Variants in DYNC1H1 observed in about 807,000 individuals in gnomAD.
DYNC1H1 encodes the protein dynein cytoplasmic 1 heavy chain 1.
A neutral mutation model predicts 527.1 loss-of-function variants in DYNC1H1; 51 were observed. The ratio of observed to expected loss-of-function variants is 0.10; its 90% CI spans 0.08 to 0.12. The LOEUF (loss-of-function observed/expected upper bound fraction) is 0.12, where lower values mean the gene tolerates loss of function less well. DYNC1H1 is among the 10% of genes least tolerant of loss of function. The pLI is 1.00. For missense variants in DYNC1H1, 2,771 were observed against 5,971.8 expected, an observed-to-expected ratio of 0.46 and a Z score of 17.66; for synonymous variants, 2,189 against 2,278.8, an observed-to-expected ratio of 0.96 and a Z score of 1.12.
At chr14:101,999,301 G>A (rs185162606) in intron 16 of DYNC1H1, among the ~76,000 whole-genome samples, 27 of 152,144 alleles carry the variant, frequency 1.8e-4, no homozygotes, top group Admixed American at 1.2e-3. Context: ...GACTACAGGC[G>A]TGCCCCACCA....
Position 102,044,792 on chromosome 14 carries a change from G to A in DYNC1H1, c.13006+94G>A. On this transcript the variant is annotated intron_variant, in intron 72 of 77. Coordinates refer to ENST00000360184, the MANE Select transcript of DYNC1H1 (RefSeq NM_001376.5). This position sits in a 1 kb window ranked among gnomAD's most constrained non-coding sequence, Gnocchi z 7.1. ...GAGGGTCCCCACACGCAGGGTGAGT[G>A]TGCACTGCTGTCCCAGGGCCCTCCC... 7.1e-7 allele frequency: 1 copy of A among 1,412,106 alleles called. No individual in the cohort carries two copies. Among genetic ancestry groups the A allele is most frequent in the Non-Finnish European group, 9.9e-7 (1 of 1,010,126 alleles). 87.5% of individuals were successfully genotyped at this position (1,412,106 alleles called of 1,614,324 possible). A position where few individuals can be genotyped will look rare whatever the true frequency, so the allele number is the denominator to read the frequency against.
chr14:102,050,678 G>T lies in DYNC1H1; in HGVS notation c.*115G>T. On this transcript the variant is annotated 3_prime_UTR_variant, in exon 78 of 78. Transcript: ENST00000360184. ...AAAGAAAGTGGTTGGTCTGAGGTTG[G>T]AGGAAGCTGAATGGAATCTGACGGT... 1 of 1,534,130 alleles carries T rather than the reference G, an allele frequency of 6.5e-7. No individual in the cohort carries two copies. Among genetic ancestry groups the T allele is most frequent in the South Asian group, 1.1e-5 (1 of 87,962 alleles).
At position 102,029,387 on chromosome 14, in the gene DYNC1H1, G is replaced by GC; in HGVS notation, c.9469-152_9469-151insC. The stretch of plus-strand genomic sequence containing the variant: ...GTAAGGGGTATCTCGAAAGCTCTAA[G>GC]TGGCTAAGCTGAGGCCCGACTCGAG... On this transcript the variant is annotated intron_variant, in intron 48 of 77. Transcript: ENST00000360184. This position sits in a 1 kb window ranked among gnomAD's most constrained non-coding sequence, Gnocchi z 5.3. 1.1e-6 allele frequency: 1 copy of GC among 931,926 alleles called. No homozygotes were observed. Among genetic ancestry groups the GC allele is most frequent in the Non-Finnish European group, 1.7e-6 (1 of 605,056 alleles). 57.7% of individuals were successfully genotyped at this position (931,926 alleles called of 1,614,324 possible). A position where few individuals can be genotyped will look rare whatever the true frequency, so the allele number is the denominator to read the frequency against.
chr14:102,049,860 C>G lies in DYNC1H1; in HGVS notation c.13662C>G (p.Asp4554Glu). The G allele has an allele frequency of 6.2e-7, 1 of 1,613,904 alleles. No homozygotes were observed. The highest frequency in any genetic ancestry group is 1.7e-5 in the Admixed American group (1 of 60,030). The change falls in exon 76 of 78, where the codon GAC becomes GAG. Residue 4554 changes from aspartate to glutamate, a missense_variant. Physicochemically the swap from Asp to Glu is conservative, Grantham distance 45. Transcript: ENST00000360184. The surrounding 1 kb of genome is among the most constrained non-coding windows in gnomAD (Gnocchi z 5.5). ...CCACCTCACAGGGCGCCACCCTTGACGCTTGCAGCTTCGGAGTCACGGGTG... is the reference window on the plus strand; with the variant it reads ...CCACCTCACAGGGCGCCACCCTTGAGGCTTGCAGCTTCGGAGTCACGGGTG... ...NVTTSQGATL[D>E]ACSFGVTGLK...
intron 72 of DYNC1H1, among the ~76,000 whole-genome samples, chr14:102,046,836 T>C (rs939463273): frequency 5.9e-5 from 9 of 151,460 alleles, no homozygotes; most frequent in African/African-American, 2.2e-4. Context: ...TCTTGCTCTG[T>C]CACTCAGACT....
Position 102,011,238 on chromosome 14 carries a change from C to T in DYNC1H1, c.6618+286C>T. On this transcript the variant is annotated intron_variant, in intron 32 of 77. Coordinates refer to ENST00000360184, the MANE Select transcript of DYNC1H1 (RefSeq NM_001376.5). The surrounding 1 kb of genome is among the most constrained non-coding windows in gnomAD (Gnocchi z 5.3). Reference sequence around the variant, plus strand: ...GTTGTTTATACTGATAAAAATTCTGCTTACCAGACTTTCCAGTGCCAGAGA... The same window carrying T: ...GTTGTTTATACTGATAAAAATTCTGTTTACCAGACTTTCCAGTGCCAGAGA... 1 of 452,676 alleles carries T rather than the reference C, an allele frequency of 2.2e-6. No homozygotes were observed. Among genetic ancestry groups the T allele is most frequent in the South Asian group, 2.1e-5 (1 of 47,652 alleles). The allele number at this position is 452,676 out of a possible 1,614,324, so 28.0% of individuals were successfully genotyped here. A position where few individuals can be genotyped will look rare whatever the true frequency, so the allele number is the denominator to read the frequency against.
At chr14:101,978,868 T>A (rs373156777) in intron 2 of DYNC1H1, among the ~76,000 whole-genome samples, 1 of 152,158 alleles carries the variant, frequency 6.6e-6, no homozygotes, top group African/African-American at 2.4e-5. Flanking sequence ...GGACATCTGG[T>A]CTAAGTGGTG....
chr14:101,971,085 C>CTTTTTTT (rs780745783), intron 1 of DYNC1H1, among the ~76,000 whole-genome samples: 1 of 64,078 alleles, frequency 1.6e-5, no homozygotes, highest in Non-Finnish European at 2.9e-5. Context: ...CCGTATCATT[C>CTTTTTTT]TTTTTTTTTT....
Position 102,033,657 on chromosome 14 carries a change from T to C in DYNC1H1, c.10413+173T>C, listed in dbSNP as rs2048535988. 2 of 823,948 alleles carry C rather than the reference T, an allele frequency of 2.4e-6. No homozygotes were observed. The allele number at this position is 823,948 out of a possible 1,614,324, so 51.0% of individuals were successfully genotyped here. A position where few individuals can be genotyped will look rare whatever the true frequency, so the allele number is the denominator to read the frequency against. ...TAATACACACTGAGTAGTCACTAAG[T>C]GTTGTTAATTAGGATAGATTGATAC... is the stretch of plus-strand genomic sequence containing the variant. On this transcript the variant is annotated intron_variant, in intron 54 of 77. Transcript: ENST00000360184. This position sits in a 1 kb window ranked among gnomAD's most constrained non-coding sequence, Gnocchi z 5.6.
At chr14:102,047,620 C>CGTGTGTGTGTGTGTGTGTGTGT (rs71116873) in intron 72 of DYNC1H1, 197 bp from the exon 73 acceptor site, 2 of 300,648 alleles carry the variant, frequency 6.7e-6, no homozygotes, top group Admixed American at 5.0e-5. Context: ...TATATATACA[C>CGTGTGTGTGTGTGTGTGTGTGT]GTGTGTGTGT....
rs903828329 is a variant in DYNC1H1 at position 102,005,656 on chromosome 14, G to A, written c.5434-232G>A. Among the ~76,000 whole-genome samples the A allele has an allele frequency of 1.4e-4, 22 of 152,334 alleles. No individual in the cohort carries two copies. The highest frequency in any genetic ancestry group is 3.9e-4 in the Admixed American group (6 of 15,296). On this transcript the variant is annotated intron_variant, in intron 26 of 77. Coordinates refer to ENST00000360184, the MANE Select transcript of DYNC1H1 (RefSeq NM_001376.5). This position sits in a 1 kb window ranked among gnomAD's most constrained non-coding sequence, Gnocchi z 4.0. Reference sequence around the variant, plus strand: ...GTTGCAGAATTTTAAAATATTTAAAGCCAGGTGTTTCTGTTTCTTTGTTTT... The same window carrying A: ...GTTGCAGAATTTTAAAATATTTAAAACCAGGTGTTTCTGTTTCTTTGTTTT...
At chr14:101,980,051 A>C in intron 4 of DYNC1H1, 77 bp downstream of exon 4, 1 of 1,603,014 alleles carries the variant, frequency 6.2e-7, no homozygotes, top group South Asian at 1.1e-5. Context: ...TGGATTTTGT[A>C]AGTGAGGTAA....
chr14:102,014,246 A>G (rs1417408038), intron 34 of DYNC1H1, among the ~76,000 whole-genome samples: 2 of 152,102 alleles, frequency 1.3e-5, no homozygotes, highest in Non-Finnish European at 2.9e-5. Context: ...TTTAAACTGG[A>G]GGTGAGGCTG....
chr14:102,025,802 T>G (rs1030082887), intron 43 of DYNC1H1, among the ~76,000 whole-genome samples: 8 of 152,162 alleles, frequency 5.3e-5, no homozygotes, highest in African/African-American at 1.4e-4. Flanking sequence ...TGGTCCTGAT[T>G]ATGGTAATAA....
At chr14:101,968,988 C>CTAT (rs1332904675) in intron 1 of DYNC1H1, among the ~76,000 whole-genome samples, 2 of 152,228 alleles carry the variant, frequency 1.3e-5, no homozygotes, top group East Asian at 3.9e-4. Flanking sequence ...GAAAATTGTA[C>CTAT]TATTGGCTTC....
chr14:102,049,466 T>C lies in DYNC1H1; in HGVS notation c.13399T>C (p.Tyr4467His), dbSNP rs771502731. The change falls in exon 75 of 78, where the codon TAC becomes CAC. Residue 4467 changes from tyrosine (Y) to histidine (H), a missense_variant. Tyr to His is a moderately conservative substitution (Grantham distance 83). Coordinates refer to ENST00000360184, the MANE Select transcript of DYNC1H1 (RefSeq NM_001376.5). The surrounding 1 kb of genome is among the most constrained non-coding windows in gnomAD (Gnocchi z 5.5). The stretch of plus-strand genomic sequence containing the variant: ...GATCTTGCCTCGGAGCTGGTCCCAC[T>C]ACACGGTGCCTGCCGGCATGACCGT... ...KGILPRSWSHYTVPAGMTVIQ... is the reference protein window; with the variant it reads ...KGILPRSWSHHTVPAGMTVIQ... The C allele has an allele frequency of 6.2e-7, 1 of 1,614,206 alleles. No individual in the cohort carries two copies. Among genetic ancestry groups the C allele is most frequent in the South Asian group, 1.1e-5 (1 of 91,090 alleles).
rs745456650 is a variant in DYNC1H1, at chr14:102,017,192, T to G, written c.7953T>G (p.Ala2651=). ...GCACACCTAATGGGGTGGTTTTGGCTCCTGTTCAACTTGGAAAGTGGCTGG... is the reference window on the plus strand; with the variant it reads ...GCACACCTAATGGGGTGGTTTTGGCGCCTGTTCAACTTGGAAAGTGGCTGG... ...YRRTPNGVVL[A]PVQLGKWLVL... The change falls in exon 39 of 78, where the codon GCT becomes GCG. Residue 2651 remains alanine (A), a synonymous_variant. Transcript: ENST00000360184. This position sits in a 1 kb window ranked among gnomAD's most constrained non-coding sequence, Gnocchi z 4.6. The G allele has an allele frequency of 6.2e-7, 1 of 1,614,258 alleles. No individual in the cohort carries two copies. The highest frequency in any genetic ancestry group is 8.5e-7 in the Non-Finnish European group (1 of 1,180,048).
chr14:101,991,291 T>C (rs2047995674), intron 10 of DYNC1H1, among the ~76,000 whole-genome samples: 1 of 152,084 alleles, frequency 6.6e-6, no homozygotes, highest in Admixed American at 6.6e-5. Context: ...CTGACCAACA[T>C]GCTGAAACCC....
rs1447108512 is a variant in DYNC1H1 at position 102,042,132 on chromosome 14, T to A, written c.12214+8T>A. 7 of 1,613,978 alleles carry A rather than the reference T, an allele frequency of 4.3e-6. No individual in the cohort carries two copies. In the Admixed American group the frequency reaches 1.2e-4, roughly 27 times the overall value. ...TCACTTCAATTGCAATCGGTAAGGA[T>A]GCTTGAGGGGCTTCATGGGCTGGAG... On this transcript the variant is annotated splice_region_variant and intron_variant, in intron 66 of 77. Transcript: ENST00000360184. This position sits in a 1 kb window ranked among gnomAD's most constrained non-coding sequence, Gnocchi z 5.7.
Sources: gnomAD v4.1 joint callset for allele counts (sites outside exome capture counted in the v4.1 genomes callset) on GRCh38, gnomAD v4.1.1 for gene constraint, Gnocchi (gnomAD v3.1) non-coding constraint, MANE v1.5 for transcripts, NCBI Gene and HGNC (gene_info 2026-07-23, HGNC 2026-07-21) for gene names.